The following RBPJ variants were observed in gnomAD, a reference collection of about 807,000 sequenced individuals.
RBPJ encodes the protein recombining binding protein suppressor of hairless.
RBPJ carries 9 observed loss-of-function variants against 67.8 expected under a neutral mutation model. The ratio of observed to expected loss-of-function variants is 0.13; its 90% CI spans 0.08 to 0.23. The LOEUF is 0.23. Ranked by LOEUF, RBPJ falls within the 10% of genes least tolerant of loss-of-function variation. The pLI is 1.00. For synonymous variants in RBPJ, 198 were observed against 203.3 expected (o/e 0.97, Z 0.22); for missense variants, 305 against 595.6 (o/e 0.51, Z 5.08).
intron 1 of RBPJ, among the ~76,000 whole-genome samples, chr4:26,380,244 G>A (rs1442942362): frequency 1.3e-5 from 2 of 152,100 alleles, no homozygotes; most frequent in Non-Finnish European, 2.9e-5. Flanking sequence ...AGTAGTTTCT[G>A]AATGTTTTGT....
intron 1 of RBPJ, among the ~76,000 whole-genome samples, chr4:26,261,415 A>G (rs1227220687): frequency 6.6e-6 from 1 of 152,186 alleles, no homozygotes. Flanking sequence ...AAAAAAGCTA[A>G]TTTGGGCTTT....
rs1312447843 is a variant in RBPJ at position 26,424,242 on chromosome 4, A to G, written c.497-100A>G. ...ATATTTGTCAAACTGTTAAATGATA[A>G]GAAAGAATAATTATACACTGCCAAG... On this transcript the variant is annotated intron_variant, in intron 5 of 10. Coordinates refer to ENST00000355476, the MANE Select transcript of RBPJ (RefSeq NM_015874.6). This position sits in a 1 kb window ranked among gnomAD's most constrained non-coding sequence, Gnocchi z 5.3. The G allele has an allele frequency of 3.5e-6, 4 of 1,127,458 alleles. No homozygotes were observed. In the South Asian group the frequency reaches 5.9e-5, roughly 17 times the overall value. 69.8% of individuals were successfully genotyped at this position (1,127,458 alleles called of 1,614,324 possible). A position where few individuals can be genotyped will look rare whatever the true frequency, so the allele number is the denominator to read the frequency against.
chr4:26,362,602 T>C (rs1274340264), intron 1 of RBPJ: 1 of 1,613,964 alleles, frequency 6.2e-7, no homozygotes, highest in Non-Finnish European at 8.5e-7. Flanking sequence ...TAACATGTTC[T>C]TGAAGTACCA....
At chr4:26,217,989 C>T (rs993638262) in intron 1 of RBPJ, among the ~76,000 whole-genome samples, 9 of 152,130 alleles carry the variant, frequency 5.9e-5, no homozygotes, top group Admixed American at 2.6e-4. Flanking sequence ...CAAAACAGAC[C>T]GGGGCATTTC....
chr4:26,345,080 G>T (rs7682946), intron 1 of RBPJ, among the ~76,000 whole-genome samples: 2,806 of 152,274 alleles, frequency 0.018, 96 homozygotes, highest in African/African-American at 0.063. Flanking sequence ...ATGTTTTCAT[G>T]AGGATTTTTG....
chr4:26,151,216 T>G, the RBPJ span, among the ~76,000 whole-genome samples: 1 of 152,186 alleles, frequency 6.6e-6, no homozygotes, highest in South Asian at 2.1e-4. Flanking sequence ...GAGGCTGTGC[T>G]GTGCCTTTGT....
chr4:26,428,545 T>C, intron 7 of RBPJ, 175 bp from the exon 8 acceptor site: 1 of 535,476 alleles, frequency 1.9e-6, no homozygotes. Flanking sequence ...AATCTAAAAG[T>C]GTTTTTTATT....
chr4:26,176,258 T>C (rs1437215734), intron 1 of RBPJ, among the ~76,000 whole-genome samples: 3 of 152,348 alleles, frequency 2.0e-5, no homozygotes, highest in East Asian at 1.9e-4. Flanking sequence ...CTATTATTCC[T>C]ATTTCAAAGG....
chr4:26,190,571 G>C (rs1277984340), intron 1 of RBPJ, among the ~76,000 whole-genome samples: 1 of 152,174 alleles, frequency 6.6e-6, no homozygotes, highest in Non-Finnish European at 1.5e-5. Flanking sequence ...AGAACCTGCA[G>C]GGACATGCAT....
chr4:26,356,199 G>T (rs1727355901), intron 1 of RBPJ, among the ~76,000 whole-genome samples: 1 of 152,240 alleles, frequency 6.6e-6, no homozygotes. Flanking sequence ...ACCTCTGCTA[G>T]AGCTGGACCT....
intron 1 of RBPJ, among the ~76,000 whole-genome samples, chr4:26,255,675 G>A (rs539083320): frequency 5.3e-5 from 8 of 151,418 alleles, no homozygotes; most frequent in Admixed American, 6.6e-5. Context: ...GGTGGCAGGT[G>A]CCTGTAGTCC....
At chr4:26,251,598 A>G (rs113291549) in intron 1 of RBPJ, among the ~76,000 whole-genome samples, 1 of 148,198 alleles carries the variant, frequency 6.7e-6, no homozygotes, top group Non-Finnish European at 1.5e-5. Flanking sequence ...AAATCATGCC[A>G]CTGCACATGA....
intron 3 of RBPJ, among the ~76,000 whole-genome samples, chr4:26,410,887 C>T (rs1733944419): frequency 6.6e-6 from 1 of 152,126 alleles, no homozygotes; most frequent in African/African-American, 2.4e-5. Context: ...GTGTGCATAT[C>T]GCCACCAAGT....
intron 1 of RBPJ, among the ~76,000 whole-genome samples, chr4:26,271,817 G>C (rs1298866813): frequency 6.6e-6 from 1 of 152,164 alleles, no homozygotes; most frequent in Non-Finnish European, 1.5e-5. Context: ...TACAAACTAT[G>C]ATGTCCTTTC....
At chr4:26,319,175 C>T (rs1722780821), upstream of RBPJ, among the ~76,000 whole-genome samples, 1 of 151,948 alleles carries the variant, frequency 6.6e-6, no homozygotes, top group African/African-American at 2.4e-5. Flanking sequence ...GTGTCTAACA[C>T]GTTTTAGGAA....
intron 1 of RBPJ, among the ~76,000 whole-genome samples, chr4:26,169,315 T>C (rs1716460689): frequency 6.6e-6 from 1 of 152,256 alleles, no homozygotes; most frequent in Non-Finnish European, 1.5e-5. Flanking sequence ...TGCAGGTCTG[T>C]TGGAGTTTGC....
intron 1 of RBPJ, among the ~76,000 whole-genome samples, chr4:26,233,480 C>T (rs994037652): frequency 2.6e-5 from 4 of 152,220 alleles, no homozygotes; most frequent in Admixed American, 6.5e-5. Flanking sequence ...TCTTCAGTTT[C>T]GTTAAGATGT....
intron 1 of RBPJ, among the ~76,000 whole-genome samples, chr4:26,350,112 G>A (rs1244058082): frequency 3.9e-5 from 6 of 152,138 alleles, no homozygotes; most frequent in Non-Finnish European, 8.8e-5. Flanking sequence ...AATTTTAACT[G>A]TGAAATGAAT....
intron 7 of RBPJ, among the ~76,000 whole-genome samples, chr4:26,427,389 A>C (rs957162898): frequency 3.3e-5 from 5 of 152,190 alleles, no homozygotes; most frequent in African/African-American, 1.2e-4. Flanking sequence ...GAAATGTTGA[A>C]TAGGTAGTTA....
Sources: allele counts gnomAD v4.1 joint callset (sites outside exome capture counted in the v4.1 genomes callset), GRCh38; gene constraint gnomAD v4.1.1; non-coding constraint Gnocchi (gnomAD v3.1); transcripts MANE v1.5; gene names NCBI Gene and HGNC (gene_info 2026-07-23, HGNC 2026-07-21).